NCAPD3: variants seen among roughly 807,000 people sequenced by gnomAD.
NCAPD3 encodes the protein condensin-2 complex subunit D3.
In NCAPD3, 105 loss-of-function variants were observed where a neutral mutation model predicts 182.9. The observed-to-expected ratio is 0.57, with a 90% CI of 0.49 to 0.68. NCAPD3 has a LOEUF of 0.68. Among genes scored for constraint, NCAPD3 ranks in the 30% least tolerant of loss-of-function variants. The pLI, the probability that NCAPD3 is intolerant of heterozygous loss-of-function variation, is 0.00. For missense variants in NCAPD3, 1,944 were observed against 1,837.0 expected, an observed-to-expected ratio of 1.06 and a Z score of -1.07; for synonymous variants, 815 against 679.9, an observed-to-expected ratio of 1.20 and a Z score of -3.09.
At chr11:134,224,157 C>T (rs573854183), upstream of NCAPD3, 3 of 599,488 alleles carry the variant, frequency 5.0e-6, no homozygotes, top group East Asian at 5.6e-5. Flanking sequence ...GCGGGTGTTC[C>T]GCTAATTCGT....
At chr11:134,165,248 G>A (rs543672516) in intron 27 of NCAPD3, among the ~76,000 whole-genome samples, 6 of 147,630 alleles carry the variant, frequency 4.1e-5, no homozygotes, top group African/African-American at 1.5e-4. Context: ...ACGCTCACTT[G>A]TGAGATAAGC....
At chr11:134,224,806 A>T, upstream of NCAPD3, 1 of 154,246 alleles carries the variant, frequency 6.5e-6, no homozygotes, top group East Asian at 1.9e-4. Context: ...GCAGCATTGC[A>T]CGGCCGACCC....
intron 16 of NCAPD3, 38 bp downstream of exon 16, chr11:134,192,651 T>G: frequency 6.4e-7 from 1 of 1,560,578 alleles, no homozygotes; most frequent in South Asian, 1.1e-5. Context: ...TCCTACGGCC[T>G]TCTTCTATAG....
At chr11:134,215,130 A>G (rs1181286621) in intron 3 of NCAPD3, among the ~76,000 whole-genome samples, 4 of 152,220 alleles carry the variant, frequency 2.6e-5, no homozygotes, top group Non-Finnish European at 4.4e-5. Flanking sequence ...AAAGCGAATG[A>G]CAAAATCCAA....
rs552708784 is a variant in NCAPD3 at position 134,150,619 on chromosome 11, C to A, written c.*2325G>T. ...CCTCTTTTTGGTTATGGATGGCTCA[C>A]AAAATAGGGCCCCCAATGCTATTTT... On this transcript the variant is annotated 3_prime_UTR_variant, in exon 35 of 35. Coordinates refer to ENST00000534548, the MANE Select transcript of NCAPD3 (RefSeq NM_015261.3). 1 of 151,908 alleles carries A rather than the reference C, an allele frequency of 6.6e-6. No individual in the cohort carries two copies. Among genetic ancestry groups the A allele is most frequent in the Non-Finnish European group, 1.5e-5 (1 of 67,994 alleles). The allele number at this position is 151,908 out of a possible 1,614,324, so 9.4% of individuals were successfully genotyped here. A position where few individuals can be genotyped will look rare whatever the true frequency, so the allele number is the denominator to read the frequency against.
intron 1 of NCAPD3, 39 bp downstream of exon 1, chr11:134,223,824 T>G: frequency 6.6e-7 from 1 of 1,509,088 alleles, no homozygotes; most frequent in Non-Finnish European, 9.0e-7. Flanking sequence ...CATAGGACCC[T>G]CGCCCTGGCC....
chr11:134,203,141 C>A lies in NCAPD3; in HGVS notation c.1525+1G>T. ...TATTTGAAAATGTATTGATCCATTACCTGATGAATTTCTCAGTAAGGTACC... is the reference window on the plus strand; with the variant it reads ...TATTTGAAAATGTATTGATCCATTAACTGATGAATTTCTCAGTAAGGTACC... On this transcript the variant is annotated splice_donor_variant, in intron 12 of 34. Coordinates refer to ENST00000534548, the MANE Select transcript of NCAPD3 (RefSeq NM_015261.3). LOFTEE classifies it high-confidence loss of function. The A allele has an allele frequency of 6.3e-7, 1 of 1,577,300 alleles. No homozygotes were observed. The highest frequency in any genetic ancestry group is 2.2e-5 in the East Asian group (1 of 44,664).
intron 16 of NCAPD3, among the ~76,000 whole-genome samples, chr11:134,192,073 T>C (rs966968344): frequency 6.6e-6 from 1 of 152,186 alleles, no homozygotes; most frequent in Admixed American, 6.5e-5. Context: ...GAGAAAACCA[T>C]GAAGAGATCC....
intron 2 of NCAPD3, among the ~76,000 whole-genome samples, chr11:134,217,524 T>C (rs1173143073): frequency 6.6e-6 from 1 of 152,178 alleles, no homozygotes; most frequent in Non-Finnish European, 1.5e-5. Flanking sequence ...TTTATTTAAA[T>C]GTTCTGCAGA....
chr11:134,173,176 C>A, intron 24 of NCAPD3: 1 of 153,020 alleles, frequency 6.5e-6, no homozygotes, highest in South Asian at 1.9e-4. Context: ...GCCAACAGCT[C>A]TCCGTGGAGG....
At position 134,150,886 on chromosome 11, in the gene NCAPD3, G is replaced by A. The variant is rs1465845181; in HGVS notation, c.*2058C>T. 1 of 152,198 alleles carries A rather than the reference G, an allele frequency of 6.6e-6. No homozygotes were observed. Among genetic ancestry groups the A allele is most frequent in the Non-Finnish European group, 1.5e-5 (1 of 68,040 alleles). 9.4% of individuals were successfully genotyped at this position (152,198 alleles called of 1,614,324 possible). On this transcript the variant is annotated 3_prime_UTR_variant, in exon 35 of 35. Coordinates refer to ENST00000534548, the MANE Select transcript of NCAPD3 (RefSeq NM_015261.3). The stretch of plus-strand genomic sequence containing the variant: ...GTGGAGCAGCCAGGTGAAAGGCCTG[G>A]CGGGGAGGAAAGTGAAACGCCTGAA...
At position 134,203,682 on chromosome 11, in the gene NCAPD3, C is replaced by T. The variant is rs139968072; in HGVS notation, c.1440G>A (p.Ser480=). 89 of 1,613,520 alleles carry T rather than the reference C, an allele frequency of 5.5e-5. No homozygotes were observed. Among genetic ancestry groups the T allele is most frequent in the Non-Finnish European group, 7.0e-5 (83 of 1,180,030 alleles). Residue 480 remains serine, a synonymous_variant, in exon 11 of 35, where the codon TCG becomes TCA. Transcript: ENST00000534548. ...HCLELTVTSA[S]ESILELLINS... is the part of the protein sequence containing the mutation. ...TAATCAGGAGCTCCAGGATACTCTC[C>T]GACGCACTGGTAACAGTCAACTCCA...
At position 134,151,931 on chromosome 11, in the gene NCAPD3, G is replaced by A. The variant is rs1001335068; in HGVS notation, c.*1013C>T. 6 of 152,218 alleles carry A rather than the reference G, an allele frequency of 3.9e-5. No homozygotes were observed. Among genetic ancestry groups the A allele is most frequent in the African/African-American group, 9.6e-5 (4 of 41,524 alleles). The allele number at this position is 152,218 out of a possible 1,614,324, so 9.4% of individuals were successfully genotyped here. A position where few individuals can be genotyped will look rare whatever the true frequency, so the allele number is the denominator to read the frequency against. ...AGCAGTGCTGCGCCTCTCCGCCACC[G>A]AGCCCACCTGTGTTGCGGTTCCCAC... On this transcript the variant is annotated 3_prime_UTR_variant, in exon 35 of 35. Coordinates refer to ENST00000534548, the MANE Select transcript of NCAPD3 (RefSeq NM_015261.3).
intron 32 of NCAPD3, among the ~76,000 whole-genome samples, chr11:134,156,529 C>T: frequency 6.6e-6 from 1 of 152,276 alleles, no homozygotes; most frequent in East Asian, 1.9e-4. Flanking sequence ...AGGAAAAGCA[C>T]AAACAGTAGG....
intron 7 of NCAPD3, 118 bp from the exon 8 acceptor site, chr11:134,206,850 T>A: frequency 9.6e-7 from 1 of 1,045,610 alleles, no homozygotes; most frequent in Non-Finnish European, 1.4e-6. Context: ...CAGGCTGGCA[T>A]AATTGCTGGC....
intron 3 of NCAPD3, among the ~76,000 whole-genome samples, chr11:134,210,679 T>C (rs1211675916): frequency 6.6e-6 from 1 of 152,216 alleles, no homozygotes; most frequent in Non-Finnish European, 1.5e-5. Flanking sequence ...ACAGAGGAAC[T>C]GGCTTTACAC....
intron 24 of NCAPD3, among the ~76,000 whole-genome samples, chr11:134,170,998 C>A: frequency 6.6e-6 from 1 of 152,198 alleles, no homozygotes; most frequent in South Asian, 2.1e-4. Flanking sequence ...TGTTTGTCTG[C>A]TGAAAAGTTA....
At chr11:134,184,870 A>C in intron 18 of NCAPD3, 33 bp downstream of exon 18, 1 of 1,544,228 alleles carries the variant, frequency 6.5e-7, no homozygotes, top group Non-Finnish European at 9.0e-7. Flanking sequence ...ACAGCAATGC[A>C]TTTTCACATA....
chr11:134,192,884 T>C lies in NCAPD3; in HGVS notation c.1850A>G (p.Gln617Arg). The C allele has an allele frequency of 6.2e-7, 1 of 1,612,464 alleles. No individual in the cohort carries two copies. Among genetic ancestry groups the C allele is most frequent in the East Asian group, 2.2e-5 (1 of 44,876 alleles). ...LMAQPRCVQI[Q>R]KAWLRGVVPV... Reference sequence around the variant, plus strand: ...GACCACCCCCCGCAACCAGGCTTTCTGGATCTGCACGCATCTAGGCTGAGC... The same window carrying C: ...GACCACCCCCCGCAACCAGGCTTTCCGGATCTGCACGCATCTAGGCTGAGC... Residue 617 changes from glutamine to arginine, a missense_variant, in exon 16 of 35, where the codon CAG becomes CGG. Physicochemically the swap from Gln to Arg is conservative, Grantham distance 43 (BLOSUM62 1). Coordinates refer to ENST00000534548, the MANE Select transcript of NCAPD3 (RefSeq NM_015261.3).
Sources: gnomAD v4.1 joint callset for allele counts (sites outside exome capture counted in the v4.1 genomes callset) on GRCh38, gnomAD v4.1.1 for gene constraint, MANE v1.5 for transcripts, NCBI Gene and HGNC (gene_info 2026-07-23, HGNC 2026-07-21) for gene names.